Variants in VAV2 observed in about 807,000 individuals in gnomAD.
The protein encoded by VAV2 is guanine nucleotide exchange factor VAV2.
VAV2 carries 67 observed loss-of-function variants against 132.5 expected under a neutral mutation model. The ratio of observed to expected loss-of-function variants is 0.51; its 90% CI spans 0.42 to 0.62. The LOEUF (loss-of-function observed/expected upper bound fraction) is 0.62. VAV2 is among the 20% of genes least tolerant of loss of function. VAV2 has a pLI of 0.00. For synonymous variants in VAV2, 492 were observed against 443.5 expected (o/e 1.11, Z -1.37); for missense variants, 938 against 1,153.6 (o/e 0.81, Z 2.71).
chr9:133,991,349 C>A lies in VAV2; in HGVS notation c.204+726G>T, dbSNP rs944302231. On this transcript the variant is annotated intron_variant, in intron 1 of 29. Transcript: ENST00000371850. The surrounding 1 kb of genome is among the most constrained non-coding windows in gnomAD (Gnocchi z 4.8). ...GCAGGCATTTTCCTGCCTGGCCCTG[C>A]GGCCGCACGCGTGCCTCCGCCGCGA... Among the ~76,000 whole-genome samples, 2 of 152,224 alleles carry A rather than the reference C, an allele frequency of 1.3e-5. No individual in the cohort carries two copies. The highest frequency in any genetic ancestry group is 2.9e-5 in the Non-Finnish European group (2 of 68,036).
In VAV2 at chr9:133,969,243, G is replaced by A; in HGVS notation, c.204+22832C>T. Among the ~76,000 whole-genome samples the A allele has an allele frequency of 1.3e-5, 2 of 152,244 alleles. No homozygotes were observed. Among genetic ancestry groups the A allele is most frequent in the South Asian group, 2.1e-4 (1 of 4,792 alleles). On this transcript the variant is annotated intron_variant, in intron 1 of 29. Transcript: ENST00000371850. This position sits in a 1 kb window ranked among gnomAD's most constrained non-coding sequence, Gnocchi z 5.1. ...CCTCTGCACCTGCTTCCCTCCTGCC[G>A]GATGAACTGCGGCTTCTCACGGCTG...
chr9:133,881,355 G>C (rs531335239), intron 2 of VAV2, among the ~76,000 whole-genome samples: 1 of 152,224 alleles, frequency 6.6e-6, no homozygotes, highest in African/African-American at 2.4e-5. Context: ...CCAGTGAGAC[G>C]GGGCTTGTGA....
Position 133,764,900 on chromosome 9 carries a change from C to A in VAV2, c.2590-791G>T, listed in dbSNP as rs897733791. Among the ~76,000 whole-genome samples, 8 of 152,024 alleles carry A rather than the reference C, an allele frequency of 5.3e-5. 1 individual carries two copies. Among genetic ancestry groups the A allele is most frequent in the African/African-American group, 1.9e-4 (8 of 41,484 alleles). ...AGTGATGGACATCAAGCCACAGGTTCAAAAAAATCTCTGCAAATCCTAAGC... is the reference window on the plus strand; with the variant it reads ...AGTGATGGACATCAAGCCACAGGTTAAAAAAAATCTCTGCAAATCCTAAGC... On this transcript the variant is annotated intron_variant, in intron 29 of 29. Coordinates refer to ENST00000371850, the MANE Select transcript of VAV2 (RefSeq NM_001134398.2).
intron 2 of VAV2, among the ~76,000 whole-genome samples, chr9:133,867,311 CT>C (rs575465328): frequency 1.3e-3 from 193 of 152,358 alleles, no homozygotes; most frequent in African/African-American, 4.4e-3. Context: ...GCAACTCTAG[CT>C]TTCTCTTTCT....
At chr9:133,906,047 C>CA (rs905495545) in intron 2 of VAV2, among the ~76,000 whole-genome samples, 73 of 151,982 alleles carry the variant, frequency 4.8e-4, no homozygotes, top group African/African-American at 1.7e-3. Flanking sequence ...TCAAAATATA[C>CA]AAAAAAAGAA....
intron 9 of VAV2, among the ~76,000 whole-genome samples, chr9:133,800,858 C>CTTCT (rs1264250896): frequency 2.0e-5 from 3 of 152,384 alleles, no homozygotes; most frequent in Middle Eastern, 3.4e-3. Flanking sequence ...ACCTGGCAAA[C>CTTCT]TTCTACTCGT....
intron 12 of VAV2, among the ~76,000 whole-genome samples, chr9:133,795,032 G>A (rs41302909): frequency 0.041 from 6,226 of 152,332 alleles, 148 homozygotes; most frequent in Middle Eastern, 0.088. Flanking sequence ...ACGTGCAGGA[G>A]CCTGGGAGGG....
chr9:133,868,289 T>G (rs1837886756), intron 2 of VAV2, among the ~76,000 whole-genome samples: 1 of 152,118 alleles, frequency 6.6e-6, no homozygotes, highest in Non-Finnish European at 1.5e-5. Context: ...CGCATCCCCA[T>G]GAGGTGGGGC....
chr9:133,895,306 G>A (rs1394608374), intron 2 of VAV2, among the ~76,000 whole-genome samples: 1 of 151,606 alleles, frequency 6.6e-6, no homozygotes, highest in Non-Finnish European at 1.5e-5. Context: ...GGCTGGGGTC[G>A]GGGAGGCAGG....
chr9:133,836,281 G>A (rs779454063), intron 3 of VAV2, among the ~76,000 whole-genome samples: 2 of 152,210 alleles, frequency 1.3e-5, no homozygotes, highest in Non-Finnish European at 2.9e-5. Context: ...GGCTCTGCCA[G>A]GCTGAGATGT....
rs1840217373 is a variant in VAV2 at position 133,919,481 on chromosome 9, A to G, written c.321+19622T>C. Reference sequence around the variant, plus strand: ...CAGGAGCCCAGGTGTCCCGGCTCCCAGCCCAGGGACTCACTGTCCCCCGGG... The same window carrying G: ...CAGGAGCCCAGGTGTCCCGGCTCCCGGCCCAGGGACTCACTGTCCCCCGGG... On this transcript the variant is annotated intron_variant, in intron 2 of 29. Coordinates refer to ENST00000371850, the MANE Select transcript of VAV2 (RefSeq NM_001134398.2). This position sits in a 1 kb window ranked among gnomAD's most constrained non-coding sequence, Gnocchi z 5.8. Among the ~76,000 whole-genome samples the G allele has an allele frequency of 6.6e-6, 1 of 152,172 alleles. No individual in the cohort carries two copies.
chr9:133,955,567 ACCT>A (rs1284517254), intron 1 of VAV2, among the ~76,000 whole-genome samples: 1 of 7,242 alleles, frequency 1.4e-4, no homozygotes, highest in East Asian at 8.1e-3. Flanking sequence ...GGTCCTCCCC[ACCT>A]CCTTTCTCCC....
At chr9:133,808,471 CAGGTGGGGTAGGGG>C (rs1214299875) in intron 7 of VAV2, among the ~76,000 whole-genome samples, 1 of 152,188 alleles carries the variant, frequency 6.6e-6, no homozygotes, top group African/African-American at 2.4e-5. Flanking sequence ...ACAGGAGGCC[CAGGTGGGGTAGGGG>C]AGGTGAAGGC....
intron 3 of VAV2, among the ~76,000 whole-genome samples, chr9:133,844,061 C>T (rs981467121): frequency 6.6e-6 from 1 of 151,902 alleles, no homozygotes; most frequent in Non-Finnish European, 1.5e-5. Context: ...CTGTTTCTGC[C>T]CCTGTTTCCA....
intron 5 of VAV2, 72 bp from the exon 6 acceptor site, chr9:133,810,277 T>C: frequency 6.2e-7 from 1 of 1,605,118 alleles, no homozygotes; most frequent in South Asian, 1.1e-5. Context: ...AAGCTGGGCC[T>C]GGGACATCAG....
At chr9:133,827,244 A>ACTGAGCACGGGCATCGC (rs1564384084) in intron 4 of VAV2, among the ~76,000 whole-genome samples, 1 of 47,584 alleles carries the variant, frequency 2.1e-5, no homozygotes, top group Non-Finnish European at 4.1e-5. Flanking sequence ...GGGGCTGACC[A>ACTGAGCACGGGCATCGC]CTGAGCGGGG....
intron 29 of VAV2, among the ~76,000 whole-genome samples, chr9:133,766,807 A>G (rs1029958653): frequency 6.8e-6 from 1 of 147,242 alleles, no homozygotes; most frequent in Non-Finnish European, 1.5e-5. Context: ...AAAAAAACAA[A>G]AACAATGTCT....
chr9:133,917,506 C>T (rs1840140471), intron 2 of VAV2, among the ~76,000 whole-genome samples: 1 of 146,926 alleles, frequency 6.8e-6, no homozygotes, highest in Admixed American at 6.8e-5. Context: ...CACAAAGACG[C>T]ATAACCTCCA....
chr9:133,948,569 A>G (rs114200981), intron 1 of VAV2, among the ~76,000 whole-genome samples: 3,566 of 152,252 alleles, frequency 0.023, 130 homozygotes, highest in African/African-American at 0.082. Context: ...ACCAAGAGCA[A>G]GCAGCTTGAG....
Sources: allele counts gnomAD v4.1 joint callset (sites outside exome capture counted in the v4.1 genomes callset), GRCh38; gene constraint gnomAD v4.1.1; non-coding constraint Gnocchi (gnomAD v3.1); transcripts MANE v1.5; gene names NCBI Gene and HGNC (gene_info 2026-07-23, HGNC 2026-07-21).